Variants in MB21D2 observed in about 807,000 individuals in gnomAD.
The protein encoded by MB21D2 is Mab-21 domain containing 2.
In MB21D2, 9 loss-of-function variants were observed where a neutral mutation model predicts 33.3. The ratio of observed to expected loss-of-function variants is 0.27; its 90% CI spans 0.16 to 0.47. MB21D2 has a LOEUF of 0.47. Among genes scored for constraint, MB21D2 ranks in the 20% least tolerant of loss-of-function variants. The pLI, the probability that MB21D2 is intolerant of heterozygous loss-of-function variation, is 0.99. For missense variants in MB21D2, 540 were observed against 624.6 expected, an observed-to-expected ratio of 0.86 and a Z score of 1.44; for synonymous variants, 241 against 236.3, an observed-to-expected ratio of 1.02 and a Z score of -0.18.
intron 1 of MB21D2, among the ~76,000 whole-genome samples, chr3:192,837,446 A>G (rs761070501): frequency 6.6e-6 from 1 of 152,170 alleles, no homozygotes; most frequent in Non-Finnish European, 1.5e-5. Flanking sequence ...CACCAAGCAC[A>G]AGACGCAGCT....
At chr3:192,915,725 TA>T (rs1470162518) in intron 1 of MB21D2, among the ~76,000 whole-genome samples, 1 of 152,206 alleles carries the variant, frequency 6.6e-6, no homozygotes, top group African/African-American at 2.4e-5. Flanking sequence ...TATATTTGGA[TA>T]AAAGCTTTGC....
intron 1 of MB21D2, among the ~76,000 whole-genome samples, chr3:192,908,100 T>C (rs1714251556): frequency 6.6e-6 from 1 of 152,292 alleles, no homozygotes; most frequent in East Asian, 1.9e-4. Flanking sequence ...AAGATCAAAA[T>C]TTTCTGGACT....
At chr3:192,853,653 T>G (rs187292847) in intron 1 of MB21D2, among the ~76,000 whole-genome samples, 312 of 152,304 alleles carry the variant, frequency 2.0e-3, no homozygotes, top group Middle Eastern at 0.01. Context: ...GTTTTGTTTT[T>G]TTTTTTATTC....
At chr3:192,820,042 T>C (rs1712010113) in intron 1 of MB21D2, among the ~76,000 whole-genome samples, 1 of 152,150 alleles carries the variant, frequency 6.6e-6, no homozygotes, top group Admixed American at 6.5e-5. Flanking sequence ...TTGGGTGGAA[T>C]ACATGGTTTT....
At chr3:192,832,760 C>A (rs1283504816) in intron 1 of MB21D2, among the ~76,000 whole-genome samples, 1 of 152,160 alleles carries the variant, frequency 6.6e-6, no homozygotes, top group Non-Finnish European at 1.5e-5. Context: ...CCACTGCACT[C>A]CAGCCTGGGC....
In MB21D2 at chr3:192,859,119, G is replaced by A. The variant is rs529574388; in HGVS notation, c.211+58511C>T. Among the ~76,000 whole-genome samples the A allele has an allele frequency of 3.7e-4, 57 of 152,156 alleles. 1 individual carries two copies. Among genetic ancestry groups the A allele is most frequent in the Middle Eastern group, 3.4e-3 (1 of 294 alleles). On this transcript the variant is annotated intron_variant, in intron 1 of 1. Coordinates refer to ENST00000392452, the MANE Select transcript of MB21D2 (RefSeq NM_178496.4). The stretch of plus-strand genomic sequence containing the variant: ...TCCAACAGCGTCACACAAAGCCCAC[G>A]GACCCAGAGGGATCCTGATCCATCC...
At chr3:192,862,850 A>G (rs912842204) in intron 1 of MB21D2, among the ~76,000 whole-genome samples, 14 of 152,236 alleles carry the variant, frequency 9.2e-5, no homozygotes, top group African/African-American at 3.4e-4. Flanking sequence ...TGGGAAGTCC[A>G]AAGTCAAGGC....
intron 1 of MB21D2, among the ~76,000 whole-genome samples, chr3:192,827,090 G>T (rs964142437): frequency 2.0e-5 from 3 of 151,948 alleles, no homozygotes; most frequent in Non-Finnish European, 2.9e-5. Context: ...TAGAGACGGG[G>T]TTTCACCATG....
At chr3:192,869,650 T>C (rs994946152) in intron 1 of MB21D2, among the ~76,000 whole-genome samples, 1 of 152,204 alleles carries the variant, frequency 6.6e-6, no homozygotes, top group Non-Finnish European at 1.5e-5. Flanking sequence ...CTCTTGGTTC[T>C]GAAAACCCCC....
chr3:192,895,782 G>C (rs969206400), intron 1 of MB21D2, among the ~76,000 whole-genome samples: 28 of 151,926 alleles, frequency 1.8e-4, no homozygotes, highest in African/African-American at 6.3e-4. Context: ...GTCCCGGCTG[G>C]AGTGCAGTGG....
At chr3:192,814,830 A>T (rs1489134004) in intron 1 of MB21D2, among the ~76,000 whole-genome samples, 1 of 150,348 alleles carries the variant, frequency 6.7e-6, no homozygotes, top group Admixed American at 6.7e-5. Flanking sequence ...GTGCCACTGC[A>T]TTCCAGCCTG....
In MB21D2 at chr3:192,828,593, TATATATATATATATATATATATATA is replaced by T. The variant is rs1327694429; in HGVS notation, c.212-28968_212-28944del. 6.1e-3 allele frequency among the ~76,000 whole-genome samples: 84 copies of T among 13,702 alleles called. 3 individuals are homozygous for T. Among genetic ancestry groups the T allele is most frequent in the East Asian group, 0.059 (13 of 222 alleles). 9.0% of individuals were successfully genotyped at this position (13,702 alleles called of 152,430 possible). The stretch of plus-strand genomic sequence containing the variant: ...TATACAATAAAACTCACCCCCCCCA[TATATATATATATATATATATATATA>T]TATATATATATATATATATATATAT... On this transcript the variant is annotated intron_variant, in intron 1 of 1. Coordinates refer to ENST00000392452, the MANE Select transcript of MB21D2 (RefSeq NM_178496.4).
intron 1 of MB21D2, among the ~76,000 whole-genome samples, chr3:192,844,846 A>G (rs1560237435): frequency 6.6e-6 from 1 of 152,192 alleles, no homozygotes; most frequent in Non-Finnish European, 1.5e-5. Flanking sequence ...AACCTGAATA[A>G]GCCAAGAGCC....
chr3:192,803,525 G>A (rs1711597358), intron 1 of MB21D2, among the ~76,000 whole-genome samples: 1 of 152,098 alleles, frequency 6.6e-6, no homozygotes, highest in Non-Finnish European at 1.5e-5. Context: ...CCATTAGTCT[G>A]CAATTTTACA....
chr3:192,816,622 T>C (rs1009404107), intron 1 of MB21D2, among the ~76,000 whole-genome samples: 8 of 152,220 alleles, frequency 5.3e-5, no homozygotes, highest in African/African-American at 1.9e-4. Context: ...GAATTTCAAA[T>C]GCCCACATGC....
At chr3:192,860,712 C>T (rs746729819) in intron 1 of MB21D2, among the ~76,000 whole-genome samples, 1 of 152,160 alleles carries the variant, frequency 6.6e-6, no homozygotes, top group Non-Finnish European at 1.5e-5. Flanking sequence ...CTTGAGAAAA[C>T]GCAAGGACTG....
intron 1 of MB21D2, among the ~76,000 whole-genome samples, chr3:192,916,932 G>C (rs1252115798): frequency 6.6e-6 from 1 of 152,244 alleles, no homozygotes; most frequent in African/African-American, 2.4e-5. Context: ...AGTCACGGAA[G>C]AGCTGGGAAT....
At position 192,907,547 on chromosome 3, in the gene MB21D2, G is replaced by A. The variant is rs566675825; in HGVS notation, c.211+10083C>T. Among the ~76,000 whole-genome samples, 10 of 152,156 alleles carry A rather than the reference G, an allele frequency of 6.6e-5. No homozygotes were observed. The East Asian group carries it at 1.9e-3, about 29-fold the overall frequency. Reference sequence around the variant, plus strand: ...ATCTCCAACCGATTCTGTGACCTACGAATCAGTCACATCACCTCCCAGAGT... The same window carrying A: ...ATCTCCAACCGATTCTGTGACCTACAAATCAGTCACATCACCTCCCAGAGT... On this transcript the variant is annotated intron_variant, in intron 1 of 1. Transcript: ENST00000392452.
rs142250204 is a variant in MB21D2 at position 192,815,154 on chromosome 3, T to C, written c.212-15504A>G. ...GTCTTGGTCTCCAGAGAATGAAGTT[T>C]AAGTTATATATGTGTTCCCCACACA... is the stretch of plus-strand genomic sequence containing the variant. On this transcript the variant is annotated intron_variant, in intron 1 of 1. Coordinates refer to ENST00000392452, the MANE Select transcript of MB21D2 (RefSeq NM_178496.4). Among the ~76,000 whole-genome samples, 4 of 152,338 alleles carry C rather than the reference T, an allele frequency of 2.6e-5. No homozygotes were observed. In the East Asian group the frequency reaches 7.7e-4, roughly 29 times the overall value.
Sources: allele counts gnomAD v4.1 joint callset (sites outside exome capture counted in the v4.1 genomes callset), GRCh38; gene constraint gnomAD v4.1.1; transcripts MANE v1.5; gene names NCBI Gene and HGNC (gene_info 2026-07-23, HGNC 2026-07-21).